The following OSBPL6 variants were observed in gnomAD, a reference collection of about 807,000 sequenced individuals.
The protein encoded by OSBPL6 is oxysterol binding protein like 6.
A neutral mutation model predicts 125.8 loss-of-function variants in OSBPL6; 49 were observed. The ratio of observed to expected loss-of-function variants is 0.39; its 90% CI spans 0.31 to 0.49. The LOEUF (loss-of-function observed/expected upper bound fraction) is 0.49, where lower values mean the gene tolerates loss of function less well. Among genes scored for constraint, OSBPL6 ranks in the 20% least tolerant of loss-of-function variants. OSBPL6 has a pLI of 0.88. For synonymous variants in OSBPL6, 394 were observed against 391.8 expected, an observed-to-expected ratio of 1.01 and a Z score of -0.07; for missense variants, 986 against 1,135.4, an observed-to-expected ratio of 0.87 and a Z score of 1.89.
chr2:178,315,229 G>A (rs976592264), intron 3 of OSBPL6, among the ~76,000 whole-genome samples: 1 of 152,194 alleles, frequency 6.6e-6, no homozygotes, highest in African/African-American at 2.4e-5. Flanking sequence ...TCAACGAGCA[G>A]CTCCACAGCT....
intron 11 of OSBPL6, among the ~76,000 whole-genome samples, chr2:178,340,229 A>G (rs1225277218): frequency 2.6e-5 from 4 of 152,148 alleles, no homozygotes; most frequent in African/African-American, 9.6e-5. Context: ...TAGTCTAATC[A>G]CTGTGATTTT....
At chr2:178,239,657 G>A (rs1023781817) in intron 1 of OSBPL6, among the ~76,000 whole-genome samples, 1 of 148,416 alleles carries the variant, frequency 6.7e-6, no homozygotes, top group Non-Finnish European at 1.5e-5. Flanking sequence ...ATGGAGTCTC[G>A]CTCTGTCGCC....
intron 13 of OSBPL6, among the ~76,000 whole-genome samples, chr2:178,367,048 A>G (rs1028819812): frequency 6.6e-6 from 1 of 152,234 alleles, no homozygotes; most frequent in Non-Finnish European, 1.5e-5. Context: ...GTCCAATAGT[A>G]GGAAATACTT....
intron 4 of OSBPL6, among the ~76,000 whole-genome samples, chr2:178,325,890 C>A (rs1353306965): frequency 1.3e-5 from 2 of 152,168 alleles, no homozygotes; most frequent in Non-Finnish European, 2.9e-5. Context: ...GGGTAGGGTA[C>A]AAACAGCATC....
intron 3 of OSBPL6, among the ~76,000 whole-genome samples, chr2:178,313,259 T>C (rs1687451677): frequency 6.6e-6 from 1 of 152,250 alleles, no homozygotes; most frequent in South Asian, 2.1e-4. Context: ...TCAGTAGTTC[T>C]GGGATTATGC....
chr2:178,383,043 A>G lies in OSBPL6; in HGVS notation c.1641A>G (p.Thr547=). 1.2e-6 allele frequency: 2 copies of G among 1,614,200 alleles called. No individual in the cohort carries two copies. The highest frequency in any genetic ancestry group is 1.7e-6 in the Non-Finnish European group (2 of 1,180,014). Residue 547 remains threonine, a synonymous_variant, in exon 17 of 25, where the codon ACA becomes ACG. Transcript: ENST00000190611. The stretch of plus-strand genomic sequence containing the variant: ...TTCCAGTCCTGAATGGGGAGCTTAC[A>G]GGAGGGGCCTTCCGAAATGGGCGTC... The part of the protein sequence containing the change: ...ISRQILNGEL[T]GGAFRNGRRA...
At chr2:178,321,646 G>T (rs750238106) in intron 3 of OSBPL6, among the ~76,000 whole-genome samples, 1 of 152,108 alleles carries the variant, frequency 6.6e-6, no homozygotes, top group Non-Finnish European at 1.5e-5. Flanking sequence ...GAGGTTACAT[G>T]GAATAGCTTA....
chr2:178,339,034 C>G lies in OSBPL6; in HGVS notation c.834C>G (p.Leu278=). Residue 278 remains leucine (L), a synonymous_variant, in exon 10 of 25, where the codon CTC becomes CTG. Coordinates refer to ENST00000190611, the MANE Select transcript of OSBPL6 (RefSeq NM_032523.4). ...CAAACCTTGTGGAACTTAGCAAACT[C>G]CTGCAAAATTTGGAAATACTTCAGA... ...CQSNLVELSK[L]LQNLEILQRT... The G allele has an allele frequency of 6.2e-7, 1 of 1,613,492 alleles. No homozygotes were observed. Among genetic ancestry groups the G allele is most frequent in the East Asian group, 2.2e-5 (1 of 44,820 alleles).
chr2:178,223,240 A>G (rs996809256), intron 1 of OSBPL6, among the ~76,000 whole-genome samples: 3 of 152,254 alleles, frequency 2.0e-5, no homozygotes, highest in Admixed American at 1.3e-4. Context: ...CTTAAATCGC[A>G]TCTCTATTAT....
intron 1 of OSBPL6, among the ~76,000 whole-genome samples, chr2:178,245,972 C>T (rs1184700735): frequency 6.6e-6 from 1 of 152,160 alleles, no homozygotes; most frequent in Non-Finnish European, 1.5e-5. Flanking sequence ...AGGCCCTGCA[C>T]TCCCTGCTCT....
At chr2:178,271,722 A>G (rs1004508086) in intron 1 of OSBPL6, among the ~76,000 whole-genome samples, 1 of 152,222 alleles carries the variant, frequency 6.6e-6, no homozygotes, top group African/African-American at 2.4e-5. Context: ...AAGAATATAC[A>G]TAATAGTTAT....
intron 6 of OSBPL6, among the ~76,000 whole-genome samples, chr2:178,332,328 C>T (rs142701113): frequency 1.2e-3 from 184 of 152,222 alleles, no homozygotes; most frequent in African/African-American, 4.0e-3. Context: ...ATTTTAGGAC[C>T]GCTAAAGATG....
At chr2:178,380,835 G>A (rs983176630) in intron 15 of OSBPL6, among the ~76,000 whole-genome samples, 8 of 152,132 alleles carry the variant, frequency 5.3e-5, no homozygotes, top group African/African-American at 1.4e-4. Context: ...TAAAGTAGCT[G>A]TAGCTACTAT....
At chr2:178,388,895 G>C in intron 20 of OSBPL6, 114 bp from the exon 21 acceptor site, 1 of 1,081,062 alleles carries the variant, frequency 9.3e-7, no homozygotes, top group South Asian at 1.7e-5. Context: ...AGACACAAAT[G>C]GGAGGAGAAT....
At chr2:178,276,412 G>A (rs548849889) in intron 1 of OSBPL6, among the ~76,000 whole-genome samples, 11 of 133,540 alleles carry the variant, frequency 8.2e-5, no homozygotes, top group South Asian at 4.6e-4. Flanking sequence ...TCGCTCTGTC[G>A]CCCAGGCTAG....
At chr2:178,274,955 CAG>C (rs1175318606) in intron 1 of OSBPL6, among the ~76,000 whole-genome samples, 1 of 151,754 alleles carries the variant, frequency 6.6e-6, no homozygotes, top group East Asian at 1.9e-4. Flanking sequence ...AGACACTTTC[CAG>C]AGTCTCTGAA....
chr2:178,268,779 T>C (rs1381823516), intron 1 of OSBPL6, among the ~76,000 whole-genome samples: 1 of 151,564 alleles, frequency 6.6e-6, no homozygotes. Context: ...TCCCAGAAAA[T>C]AGAGACATTT....
At chr2:178,344,365 G>A in intron 11 of OSBPL6, 1 of 1,613,886 alleles carries the variant, frequency 6.2e-7, no homozygotes, top group South Asian at 1.1e-5. Flanking sequence ...ACAACAGTGA[G>A]TGGATTTCAA....
chr2:178,329,968 G>T (rs1689054259), intron 5 of OSBPL6, among the ~76,000 whole-genome samples: 1 of 152,136 alleles, frequency 6.6e-6, no homozygotes. Context: ...TTGCCCCGGT[G>T]CCCTGTCTCT....
Sources: gnomAD v4.1 joint callset for allele counts (sites outside exome capture counted in the v4.1 genomes callset) on GRCh38, gnomAD v4.1.1 for gene constraint, MANE v1.5 for transcripts, NCBI Gene and HGNC (gene_info 2026-07-23, HGNC 2026-07-21) for gene names.